Variants in ZNF143 observed in about 807,000 individuals in gnomAD.
ZNF143 encodes zinc finger protein 143.
Under a neutral mutation model 74.1 loss-of-function variants are expected in ZNF143, and 49 were observed. The observed-to-expected ratio is 0.66, with a 90% CI of 0.53 to 0.84. The LOEUF (loss-of-function observed/expected upper bound fraction) is 0.84. Ranked by LOEUF, ZNF143 falls within the 40% of genes least tolerant of loss-of-function variation. The pLI is 0.00. For missense variants in ZNF143, 637 were observed against 793.4 expected, an observed-to-expected ratio of 0.80 and a Z score of 2.37; for synonymous variants, 304 against 282.8, an observed-to-expected ratio of 1.07 and a Z score of -0.75.
At chr11:9,475,910 A>ATATATG (rs370474107) in intron 5 of ZNF143, among the ~76,000 whole-genome samples, 1,764 of 137,350 alleles carry the variant, frequency 0.013, 40 homozygotes, top group African/African-American at 0.044. Flanking sequence ...AAAAATATAT[A>ATATATG]TGTGTGTGTG....
chr11:9,467,636 A>G (rs1207440314), intron 1 of ZNF143, among the ~76,000 whole-genome samples: 1 of 151,986 alleles, frequency 6.6e-6, no homozygotes, highest in Non-Finnish European at 1.5e-5. Flanking sequence ...TCATGAGGTC[A>G]GGAGTTCAAG....
At position 9,504,760 on chromosome 11, in the gene ZNF143, C is replaced by T. The variant is rs1314709730; in HGVS notation, c.1147+3490C>T. ...CGTGATCTCAGCTCACTGCAACCTC[C>T]GCCTCCTGGGTTCAAGCGATTCTCC... is the stretch of plus-strand genomic sequence containing the variant. On this transcript the variant is annotated intron_variant, in intron 11 of 15. Transcript: ENST00000396602. 2.8e-4 allele frequency among the ~76,000 whole-genome samples: 33 copies of T among 116,202 alleles called. 2 individuals are homozygous for T. The highest frequency in any genetic ancestry group is 8.9e-4 in the African/African-American group (33 of 36,886). The allele number at this position is 116,202 out of a possible 152,430, so 76.2% of individuals were successfully genotyped here.
chr11:9,505,410 C>T (rs938940876), intron 11 of ZNF143, among the ~76,000 whole-genome samples: 1 of 152,026 alleles, frequency 6.6e-6, no homozygotes, highest in Non-Finnish European at 1.5e-5. Context: ...GCTGGGATTA[C>T]AGGCGCATGT....
chr11:9,491,786 T>G (rs1847789379), intron 7 of ZNF143, among the ~76,000 whole-genome samples: 1 of 152,136 alleles, frequency 6.6e-6, no homozygotes, highest in African/African-American at 2.4e-5. Context: ...GGTGCCACCA[T>G]GCACAGCTGA....
intron 3 of ZNF143, 35 bp downstream of exon 3, chr11:9,472,804 C>T (rs1856660911): frequency 6.8e-7 from 1 of 1,476,344 alleles, no homozygotes; most frequent in South Asian, 1.4e-5. Context: ...TGGTTAATAC[C>T]AGTGATTTAT....
intron 13 of ZNF143, among the ~76,000 whole-genome samples, chr11:9,515,297 T>C (rs1452869323): frequency 6.6e-6 from 1 of 151,904 alleles, no homozygotes; most frequent in Admixed American, 6.6e-5. Context: ...GAAATTCAGA[T>C]GGGAGAAAAA....
Position 9,481,477 on chromosome 11 carries a change from G to T in ZNF143, c.645+1931G>T, listed in dbSNP as rs995301088. Among the ~76,000 whole-genome samples the T allele has an allele frequency of 4.6e-5, 7 of 152,052 alleles. 1 individual carries two copies. The highest frequency in any genetic ancestry group is 1.7e-4 in the African/African-American group (7 of 41,400). On this transcript the variant is annotated intron_variant, in intron 7 of 15. Transcript: ENST00000396602. ...AACCTCTACTAAGATGCAAACACAG[G>T]GTAAATATGTGCGGGAGTTATAGGT...
chr11:9,501,298 T>TATC, intron 11 of ZNF143, 28 bp downstream of exon 11: 2 of 1,607,626 alleles, frequency 1.2e-6, no homozygotes, highest in Non-Finnish European at 8.5e-7. Flanking sequence ...TTTGGTCTTT[T>TATC]ATCTTTCAAG....
In ZNF143 at chr11:9,470,900, A is replaced by G. The variant is rs1042218003; in HGVS notation, c.-7-402A>G. The stretch of plus-strand genomic sequence containing the variant: ...GCTTAGATCAGGGAAGTACTGGTGA[A>G]GGTTGTGAGAGGTAGCCAGATTCGG... On this transcript the variant is annotated intron_variant, in intron 1 of 15. Transcript: ENST00000396602. Among the ~76,000 whole-genome samples, 3 of 152,062 alleles carry G rather than the reference A, an allele frequency of 2.0e-5. 1 individual carries two copies. The South Asian group carries it at 6.2e-4, about 32-fold the overall frequency.
rs1185062876 is a variant in ZNF143, at chr11:9,523,569, TA to T, written c.1687-1665del. On this transcript the variant is annotated intron_variant, in intron 14 of 15. Coordinates refer to ENST00000396602, the MANE Select transcript of ZNF143 (RefSeq NM_003442.6). ...TAACACGGTGAAACCCCGTGTCTAC[TA>T]AAAAATACAAAAAATTAGCTGGGCG... Among the ~76,000 whole-genome samples the T allele has an allele frequency of 8.0e-5, 12 of 149,666 alleles. No individual in the cohort carries two copies. In the South Asian group the frequency reaches 2.5e-3, roughly 32 times the overall value.
intron 14 of ZNF143, among the ~76,000 whole-genome samples, chr11:9,519,226 T>A (rs1848827390): frequency 1.3e-5 from 2 of 152,136 alleles, no homozygotes; most frequent in South Asian, 4.1e-4. Context: ...TTTTTTTTTT[T>A]TTTGAGACAG....
intron 6 of ZNF143, among the ~76,000 whole-genome samples, chr11:9,479,022 G>A (rs1285663676): frequency 6.6e-6 from 1 of 152,116 alleles, no homozygotes; most frequent in Non-Finnish European, 1.5e-5. Flanking sequence ...GAATTAAGAA[G>A]TAGGAACTAT....
At chr11:9,503,323 T>C (rs1201860287) in intron 11 of ZNF143, among the ~76,000 whole-genome samples, 1 of 152,244 alleles carries the variant, frequency 6.6e-6, no homozygotes, top group Non-Finnish European at 1.5e-5. Context: ...TGAGCATTCA[T>C]GTACAAGTTT....
intron 9 of ZNF143, among the ~76,000 whole-genome samples, chr11:9,497,064 G>T (rs866907538): frequency 6.6e-6 from 1 of 152,192 alleles, no homozygotes; most frequent in Middle Eastern, 3.2e-3. Flanking sequence ...CAGGCCTGCT[G>T]ACTTCCATTC....
chr11:9,474,300 T>G (rs1392430528), intron 4 of ZNF143, among the ~76,000 whole-genome samples: 2 of 152,230 alleles, frequency 1.3e-5, no homozygotes, highest in Non-Finnish European at 2.9e-5. Context: ...TCTCTCATTT[T>G]CTTCATTTTT....
At chr11:9,476,062 C>T (rs957697982) in intron 5 of ZNF143, among the ~76,000 whole-genome samples, 2 of 151,874 alleles carry the variant, frequency 1.3e-5, no homozygotes, top group African/African-American at 4.8e-5. Context: ...ATGCTTATTA[C>T]ATTTGTTTAA....
chr11:9,499,883 G>C (rs541195367), intron 10 of ZNF143, among the ~76,000 whole-genome samples: 16 of 152,270 alleles, frequency 1.1e-4, no homozygotes, highest in Admixed American at 1.3e-4. Context: ...CAGTTTAAAG[G>C]CCTTTCGTAT....
At chr11:9,461,848 G>A (rs561800235) in intron 1 of ZNF143, 13 of 152,270 alleles carry the variant, frequency 8.5e-5, no homozygotes, top group African/African-American at 3.1e-4. Flanking sequence ...AAGTTAAAAA[G>A]AGGAAAGAAG....
At chr11:9,477,599 A>G (rs558743260) in intron 5 of ZNF143, among the ~76,000 whole-genome samples, 2 of 152,184 alleles carry the variant, frequency 1.3e-5, no homozygotes, top group East Asian at 3.9e-4. Context: ...GGTTCATTGT[A>G]ACTGGCTAGA....
Sources: gnomAD v4.1 joint callset for allele counts (sites outside exome capture counted in the v4.1 genomes callset) on GRCh38, gnomAD v4.1.1 for gene constraint, MANE v1.5 for transcripts, NCBI Gene and HGNC (gene_info 2026-07-23, HGNC 2026-07-21) for gene names.